The following DNAH1 variants were observed in gnomAD, a reference collection of about 807,000 sequenced individuals.
The protein encoded by DNAH1 is axonemal beta dynein heavy chain 1.
A neutral mutation model predicts 484.3 loss-of-function variants in DNAH1; 327 were observed. The ratio of observed to expected loss-of-function variants is 0.68; its 90% CI spans 0.62 to 0.74. DNAH1 has a LOEUF of 0.74. Among genes scored for constraint, DNAH1 ranks in the 30% least tolerant of loss-of-function variants. The pLI, the probability that DNAH1 is intolerant of heterozygous loss-of-function variation, is 0.00. For synonymous variants in DNAH1, 2,192 were observed against 2,191.9 expected (o/e 1.00, Z 0.00); for missense variants, 5,052 against 5,546.8 (o/e 0.91, Z 2.83).
chr3:52,319,552 C>A (rs1019450530), intron 1 of DNAH1, among the ~76,000 whole-genome samples: 5 of 152,264 alleles, frequency 3.3e-5, no homozygotes, highest in African/African-American at 1.2e-4. Context: ...CCACCCCTGC[C>A]ATCTCACTGG....
chr3:52,366,436 G>T (rs1358141436), intron 34 of DNAH1, 21 bp from the exon 35 acceptor site: 3 of 1,570,662 alleles, frequency 1.9e-6, no homozygotes, highest in Non-Finnish European at 2.6e-6. Flanking sequence ...TGACCCTTGG[G>T]CCCCATGCCA....
chr3:52,340,091 TTC>T (rs1701880267), intron 8 of DNAH1, among the ~76,000 whole-genome samples: 1 of 152,148 alleles, frequency 6.6e-6, no homozygotes, highest in South Asian at 2.1e-4. Flanking sequence ...TAGGGTTACT[TTC>T]TCTTTTTTTG....
rs757102207 is a variant in DNAH1 at position 52,395,719 on chromosome 3, C to T, written c.11259+41C>T. On this transcript the variant is annotated intron_variant, in intron 70 of 77. Coordinates refer to ENST00000420323, the MANE Select transcript of DNAH1 (RefSeq NM_015512.5). The surrounding 1 kb of genome is among the most constrained non-coding windows in gnomAD (Gnocchi z 4.4). ...CATCACAGACCCAGTGGGGCCGCCT[C>T]TGCATCCATCAGGGACTAATGAGGC... is the stretch of plus-strand genomic sequence containing the variant. 1 of 1,596,178 alleles carries T rather than the reference C, an allele frequency of 6.3e-7. No homozygotes were observed. Among genetic ancestry groups the T allele is most frequent in the African/African-American group, 1.3e-5 (1 of 74,524 alleles).
rs372255073 is a variant in DNAH1 at position 52,400,386 on chromosome 3, T to C, written c.12738T>C (p.His4246=). 6.2e-6 allele frequency: 10 copies of C among 1,614,012 alleles called. No homozygotes were observed. The highest frequency in any genetic ancestry group is 1.3e-5 in the African/African-American group (1 of 75,046). ...TCATTGCTGTGGAGATCCCCACCCATCAGCCCCAGCGACACTGGATAAAGC... is the reference window on the plus strand; with the variant it reads ...TCATTGCTGTGGAGATCCCCACCCACCAGCCCCAGCGACACTGGATAAAGC... ...NYVIAVEIPT[H]QPQRHWIKRG... is the part of the protein sequence containing the mutation. Residue 4246 remains histidine (H), a synonymous_variant, in exon 78 of 78, where the codon CAT becomes CAC. Coordinates refer to ENST00000420323, the MANE Select transcript of DNAH1 (RefSeq NM_015512.5).
chr3:52,390,423 C>A (rs146143838), intron 60 of DNAH1, among the ~76,000 whole-genome samples: 20 of 152,268 alleles, frequency 1.3e-4, no homozygotes, highest in African/African-American at 4.6e-4. Flanking sequence ...CAAGATCATG[C>A]CATTGCCAAA....
chr3:52,382,218 G>A, intron 49 of DNAH1, 102 bp from the exon 50 acceptor site: 2 of 1,586,878 alleles, frequency 1.3e-6, no homozygotes, highest in South Asian at 2.2e-5. Context: ...CCCAGGATGG[G>A]AGCAGAATTC....
chr3:52,313,388 TA>T (rs1039557421), upstream of DNAH1, among the ~76,000 whole-genome samples: 11 of 152,276 alleles, frequency 7.2e-5, no homozygotes, highest in South Asian at 2.3e-3. Context: ...CCTCCTCCTG[TA>T]AAGGGAAGTG....
rs1702984564 is a variant in DNAH1, at chr3:52,364,419, A to T, written c.5245-219A>T. On this transcript the variant is annotated intron_variant, in intron 32 of 77. Coordinates refer to ENST00000420323, the MANE Select transcript of DNAH1 (RefSeq NM_015512.5). This position sits in a 1 kb window ranked among gnomAD's most constrained non-coding sequence, Gnocchi z 4.2. ...ATGCAGAATGGGTATCGGATAAAGG[A>T]GGGGGCTATCGGGACAGTAAAGTGC... is the stretch of plus-strand genomic sequence containing the variant. Among the ~76,000 whole-genome samples the T allele has an allele frequency of 6.6e-6, 1 of 152,190 alleles. No individual in the cohort carries two copies. The highest frequency in any genetic ancestry group is 6.5e-5 in the Admixed American group (1 of 15,282).
intron 8 of DNAH1, among the ~76,000 whole-genome samples, chr3:52,340,075 TAC>T (rs1701879743): frequency 6.6e-6 from 1 of 152,190 alleles, no homozygotes; most frequent in African/African-American, 2.4e-5. Context: ...TCAGTATTTT[TAC>T]AGTTAGGGTT....
rs376894199 is a variant in DNAH1, at chr3:52,389,564, C to T, written c.9599C>T (p.Pro3200Leu). The change falls in exon 60 of 78, where the codon CCT becomes CTT. Residue 3200 changes from proline to leucine, a missense_variant. Pro to Leu is a moderately conservative substitution (Grantham distance 98). Transcript: ENST00000420323. ...ACGCTAATCGGGACGCTGGGGAACC[C>T]TGTGAAGATCCGATCGTGGCAGGTG... Reference protein sequence around the residue: ...EPTLIGTLGNPVKIRSWQIAG... With the variant: ...EPTLIGTLGNLVKIRSWQIAG... 10 of 1,521,682 alleles carry T rather than the reference C, an allele frequency of 6.6e-6. No homozygotes were observed. Among genetic ancestry groups the T allele is most frequent in the South Asian group, 3.7e-5 (3 of 80,058 alleles). The allele number at this position is 1,521,682 out of a possible 1,614,324, so 94.3% of individuals were successfully genotyped here.
chr3:52,350,467 C>T (rs1196153629), intron 15 of DNAH1, 41 bp from the exon 16 acceptor site: 1 of 1,595,218 alleles, frequency 6.3e-7, no homozygotes. Context: ...CCACCACCTC[C>T]CTGGCACACG....
chr3:52,366,596 AG>A, intron 35 of DNAH1, 48 bp downstream of exon 35: 1 of 1,560,842 alleles, frequency 6.4e-7, no homozygotes, highest in Non-Finnish European at 8.7e-7. Flanking sequence ...GTGGGCCTGT[AG>A]GGGGGTGCAG....
rs1377309008 is a variant in DNAH1, at chr3:52,322,476, G to A, written c.34G>A (p.Gly12Arg). ...GCCTAACAGTAAAGGCTATAGCCTG[G>A]GAAGGACCCCTCAGGGCCCAGAGTG... ...EQPNSKGYSL[G>R]RTPQGPECSS... The change falls in exon 2 of 78, where the codon GGA becomes AGA. Residue 12 changes from glycine to arginine, a missense_variant. Around this residue, in one of 4 missense-constraint regions of DNAH1, gnomAD observed 1,263 missense variants for 1,218.8 expected, o/e 1.04. Coordinates refer to ENST00000420323, the MANE Select transcript of DNAH1 (RefSeq NM_015512.5). The A allele has an allele frequency of 6.2e-6, 10 of 1,612,944 alleles. No individual in the cohort carries two copies. Among genetic ancestry groups the A allele is most frequent in the Non-Finnish European group, 7.6e-6 (9 of 1,179,592 alleles).
At chr3:52,399,361 G>T (rs1218444580) in intron 76 of DNAH1, among the ~76,000 whole-genome samples, 160 bp downstream of exon 76, 1 of 152,184 alleles carries the variant, frequency 6.6e-6, no homozygotes, top group African/African-American at 2.4e-5. Flanking sequence ...ACGGGTCTGG[G>T]CTGGGTCCAT....
At chr3:52,357,838 G>T in intron 23 of DNAH1, 60 bp from the exon 24 acceptor site, 1 of 1,586,084 alleles carries the variant, frequency 6.3e-7, no homozygotes, top group East Asian at 2.3e-5. Context: ...AGCAGGACTG[G>T]GGCAGCTGGG....
chr3:52,321,457 C>T (rs1368095957), intron 1 of DNAH1, among the ~76,000 whole-genome samples: 1 of 152,060 alleles, frequency 6.6e-6, no homozygotes, highest in African/African-American at 2.4e-5. Flanking sequence ...AATTGTAGAC[C>T]CCCTTTTTAT....
chr3:52,346,526 A>T lies in DNAH1; in HGVS notation c.1711A>T (p.Ser571Cys), dbSNP rs1198394055. 1 of 1,613,692 alleles carries T rather than the reference A, an allele frequency of 6.2e-7. No individual in the cohort carries two copies. Among genetic ancestry groups the T allele is most frequent in the Non-Finnish European group, 8.5e-7 (1 of 1,179,806 alleles). The change falls in exon 11 of 78, where the codon AGC becomes TGC. Residue 571 changes from serine (S) to cysteine (C), a missense_variant. Physicochemically the swap from Ser to Cys is moderately radical, Grantham distance 112 (BLOSUM62 -1). This residue lies in a region of DNAH1 where 1,263 missense variants were observed against 1,218.8 expected (regional missense o/e 1.04). Coordinates refer to ENST00000420323, the MANE Select transcript of DNAH1 (RefSeq NM_015512.5). ...CAGCTCGCTAAAGGTGGCCATGCGC[A>T]GCAGCCTGCGCGACATGAGCAAGGG... ...WISSLKVAMR[S>C]SLRDMSKGWY...
At chr3:52,388,022 G>A (rs1704184008) in intron 56 of DNAH1, 145 bp from the exon 57 acceptor site, 8 of 1,078,394 alleles carry the variant, frequency 7.4e-6, no homozygotes, top group African/African-American at 1.6e-5. Context: ...GGGCTATGTT[G>A]TTCCTTAAGG....
chr3:52,395,935 GC>G lies in DNAH1; in HGVS notation c.11259+260del, dbSNP rs200700120. Among the ~76,000 whole-genome samples, 3 of 146,162 alleles carry G rather than the reference GC, an allele frequency of 2.1e-5. No homozygotes were observed. The highest frequency in any genetic ancestry group is 5.1e-5 in the African/African-American group (2 of 39,062). On this transcript the variant is annotated intron_variant, in intron 70 of 77. Coordinates refer to ENST00000420323, the MANE Select transcript of DNAH1 (RefSeq NM_015512.5). This position sits in a 1 kb window ranked among gnomAD's most constrained non-coding sequence, Gnocchi z 4.4. ...AGACCGTGACCTGGGACTTGCCAAA[GC>G]CCTTTTTTTTTTTTTTTTTTCAGAC...
Sources: gnomAD v4.1 joint callset for allele counts (sites outside exome capture counted in the v4.1 genomes callset) on GRCh38, gnomAD v4.1.1 for gene constraint, gnomAD v4.1.1 regional missense constraint, Gnocchi (gnomAD v3.1) non-coding constraint, MANE v1.5 for transcripts, NCBI Gene and HGNC (gene_info 2026-07-23, HGNC 2026-07-21) for gene names.